The following ROBO1 variants were observed in gnomAD, a reference collection of about 807,000 sequenced individuals.
ROBO1 encodes the protein roundabout homolog 1.
In ROBO1, 149 loss-of-function variants were observed where a neutral mutation model predicts 195.9. That is an observed-to-expected ratio of 0.76 (90% CI 0.67 to 0.87). The LOEUF (loss-of-function observed/expected upper bound fraction) is 0.87, where lower values mean the gene tolerates loss of function less well. ROBO1 is among the 40% of genes least tolerant of loss of function. The pLI is 0.00. For missense variants in ROBO1, 1,933 were observed against 2,068.3 expected, an observed-to-expected ratio of 0.93 and a Z score of 1.27; for synonymous variants, 816 against 733.2, an observed-to-expected ratio of 1.11 and a Z score of -1.82.
chr3:79,668,151 G>A (rs1005081786), intron 1 of ROBO1, among the ~76,000 whole-genome samples: 14 of 151,666 alleles, frequency 9.2e-5, no homozygotes, highest in Non-Finnish European at 2.1e-4. Context: ...CAAAATATTT[G>A]TAAAGCTTTA....
intron 4 of ROBO1, among the ~76,000 whole-genome samples, chr3:78,781,757 A>G (rs2083684305): frequency 6.6e-6 from 1 of 152,218 alleles, no homozygotes; most frequent in African/African-American, 2.4e-5. Context: ...TTGGTGTAAG[A>G]TAATAATAGA....
chr3:79,641,418 G>C (rs957229627), intron 1 of ROBO1, among the ~76,000 whole-genome samples: 2 of 151,910 alleles, frequency 1.3e-5, no homozygotes, highest in Non-Finnish European at 2.9e-5. Flanking sequence ...TTATTTTGAG[G>C]GATAGCATTG....
chr3:79,038,821 C>G (rs1171204666), intron 3 of ROBO1, among the ~76,000 whole-genome samples: 1 of 152,042 alleles, frequency 6.6e-6, no homozygotes, highest in Non-Finnish European at 1.5e-5. Context: ...ACATTTCCAA[C>G]TCTCAGCTCC....
intron 3 of ROBO1, among the ~76,000 whole-genome samples, chr3:78,996,490 T>C: frequency 6.6e-6 from 1 of 152,170 alleles, no homozygotes. Flanking sequence ...GGCCTCTCTC[T>C]GCAAGTCACT....
At chr3:78,779,641 G>A (rs903146549) in intron 4 of ROBO1, among the ~76,000 whole-genome samples, 3 of 152,108 alleles carry the variant, frequency 2.0e-5, no homozygotes, top group Admixed American at 6.6e-5. Flanking sequence ...AAATGGGAAC[G>A]CTTTTACACT....
At chr3:79,292,827 C>G (rs2109032640) in intron 2 of ROBO1, among the ~76,000 whole-genome samples, 1 of 152,272 alleles carries the variant, frequency 6.6e-6, no homozygotes, top group South Asian at 2.1e-4. Flanking sequence ...GGATATTGGG[C>G]TGAAATTTCC....
intron 2 of ROBO1, among the ~76,000 whole-genome samples, chr3:79,240,951 T>C (rs1247263640): frequency 6.6e-6 from 1 of 152,144 alleles, no homozygotes; most frequent in Non-Finnish European, 1.5e-5. Flanking sequence ...CTCATTTTTT[T>C]AACTTTGAAA....
chr3:79,359,402 T>G (rs192899002), intron 2 of ROBO1, among the ~76,000 whole-genome samples: 41 of 152,168 alleles, frequency 2.7e-4, no homozygotes, highest in African/African-American at 8.7e-4. Context: ...ATGGTCAAAA[T>G]AATCTCAAAA....
intron 28 of ROBO1, among the ~76,000 whole-genome samples, chr3:78,609,939 G>A (rs376114646): frequency 1.3e-5 from 2 of 152,082 alleles, no homozygotes. Flanking sequence ...CTAAAGCTAA[G>A]GTGTTAGAAT....
chr3:79,747,499 A>T (rs1335287174), intron 1 of ROBO1, among the ~76,000 whole-genome samples: 1 of 152,122 alleles, frequency 6.6e-6, no homozygotes, highest in Non-Finnish European at 1.5e-5. Flanking sequence ...ATTGGGAAGT[A>T]AACATCTCAG....
intron 8 of ROBO1, among the ~76,000 whole-genome samples, chr3:78,711,398 C>CCTTCCTTCCTTT (rs2081724186): frequency 2.3e-4 from 9 of 39,952 alleles, no homozygotes; most frequent in East Asian, 5.6e-4. Flanking sequence ...TTCCTTCCTT[C>CCTTCCTTCCTTT]CTTTCTTTCT....
At chr3:79,162,232 A>G (rs1373520702) in intron 2 of ROBO1, among the ~76,000 whole-genome samples, 1 of 152,112 alleles carries the variant, frequency 6.6e-6, no homozygotes, top group African/African-American at 2.4e-5. Flanking sequence ...ACAGGATCCC[A>G]GTAAAAATGT....
At chr3:78,981,942 A>G (rs2077004239) in intron 3 of ROBO1, among the ~76,000 whole-genome samples, 1 of 152,116 alleles carries the variant, frequency 6.6e-6, no homozygotes, top group African/African-American at 2.4e-5. Flanking sequence ...TAAAAAACAG[A>G]AAAGATTAAC....
intron 2 of ROBO1, among the ~76,000 whole-genome samples, chr3:79,585,266 A>C (rs2107802505): frequency 6.6e-6 from 1 of 152,076 alleles, no homozygotes; most frequent in African/African-American, 2.4e-5. Flanking sequence ...CCAGCTACTT[A>C]ATATCTGAAT....
At chr3:79,031,734 T>G (rs2078299201) in intron 3 of ROBO1, among the ~76,000 whole-genome samples, 1 of 152,188 alleles carries the variant, frequency 6.6e-6, no homozygotes, top group Non-Finnish European at 1.5e-5. Flanking sequence ...TTATTATTAT[T>G]GTGATTTCAT....
intron 18 of ROBO1, among the ~76,000 whole-genome samples, chr3:78,655,508 T>C (rs1706950201): frequency 1.3e-5 from 2 of 152,162 alleles, no homozygotes; most frequent in African/African-American, 2.4e-5. Flanking sequence ...TGATCCTCAA[T>C]GTGTGTGTGG....
At chr3:78,817,610 T>G (rs2030228099) in intron 4 of ROBO1, among the ~76,000 whole-genome samples, 1 of 151,972 alleles carries the variant, frequency 6.6e-6, no homozygotes, top group Non-Finnish European at 1.5e-5. Context: ...CAAAACTCAC[T>G]TATGAGAAGA....
At chr3:78,926,850 T>C (rs2039250061) in intron 4 of ROBO1, among the ~76,000 whole-genome samples, 1 of 152,196 alleles carries the variant, frequency 6.6e-6, no homozygotes, top group African/African-American at 2.4e-5. Flanking sequence ...ATAAAGCCAC[T>C]ATACATTCTC....
chr3:79,134,035 A>G (rs1348580012), intron 2 of ROBO1, among the ~76,000 whole-genome samples: 2 of 150,854 alleles, frequency 1.3e-5, no homozygotes, highest in African/African-American at 4.9e-5. Flanking sequence ...AAATTGACAA[A>G]TGGGATCTAA....
Sources: allele counts gnomAD v4.1 joint callset (sites outside exome capture counted in the v4.1 genomes callset), GRCh38; gene constraint gnomAD v4.1.1; transcripts MANE v1.5; gene names NCBI Gene and HGNC (gene_info 2026-07-23, HGNC 2026-07-21).